Variants in DIP2C observed in about 807,000 individuals in gnomAD.
DIP2C encodes the protein DIP2 acetate--CoA ligase C (putative), also known as disco-interacting protein 2 homolog C.
DIP2C carries 33 observed loss-of-function variants against 192.4 expected under a neutral mutation model. The ratio of observed to expected loss-of-function variants is 0.17; its 90% CI spans 0.13 to 0.23. The LOEUF (loss-of-function observed/expected upper bound fraction) is 0.23. Ranked by LOEUF, DIP2C falls within the 10% of genes least tolerant of loss-of-function variation. DIP2C has a pLI of 1.00. For synonymous variants in DIP2C, 979 were observed against 864.1 expected (o/e 1.13, Z -2.33); for missense variants, 1,537 against 2,110.1 (o/e 0.73, Z 5.32).
At chr10:550,229 C>G (rs746711371) in intron 1 of DIP2C, among the ~76,000 whole-genome samples, 2 of 152,056 alleles carry the variant, frequency 1.3e-5, no homozygotes, top group South Asian at 4.2e-4. Flanking sequence ...AGGCTGGTCT[C>G]GAACTCCTGA....
At chr10:324,012 T>TG (rs1404662483) in intron 31 of DIP2C, among the ~76,000 whole-genome samples, 1 of 152,202 alleles carries the variant, frequency 6.6e-6, no homozygotes, top group Non-Finnish European at 1.5e-5. Context: ...CACTTACGGC[T>TG]GCCTTCGCTG....
intron 24 of DIP2C, among the ~76,000 whole-genome samples, chr10:355,650 CTT>C (rs1959046069): frequency 1.3e-5 from 2 of 152,320 alleles, no homozygotes; most frequent in Admixed American, 6.5e-5. Flanking sequence ...ATGCCTTACT[CTT>C]AAGTACTACG....
intron 1 of DIP2C, among the ~76,000 whole-genome samples, chr10:574,699 G>A (rs1850043854): frequency 6.6e-6 from 1 of 152,172 alleles, no homozygotes; most frequent in Admixed American, 6.5e-5. Context: ...TAACCACAGA[G>A]GTGTTTATCC....
rs1302031074 is a variant in DIP2C, at chr10:275,010, C to T, written c.*2315G>A. On this transcript the variant is annotated 3_prime_UTR_variant, in exon 37 of 37. Coordinates refer to ENST00000280886, the MANE Select transcript of DIP2C (RefSeq NM_014974.3). ...TCTCAGTCCACCAACTCTTTTGAGC[C>T]TAAACTCTAACTAATCAGAGTTGAC... 2 of 152,230 alleles carry T rather than the reference C, an allele frequency of 1.3e-5. No homozygotes were observed. Among genetic ancestry groups the T allele is most frequent in the Non-Finnish European group, 2.9e-5 (2 of 68,052 alleles). 9.4% of individuals were successfully genotyped at this position (152,230 alleles called of 1,614,324 possible).
intron 22 of DIP2C, among the ~76,000 whole-genome samples, chr10:359,683 G>A (rs530792148): frequency 1.3e-5 from 2 of 152,162 alleles, no homozygotes; most frequent in Non-Finnish European, 2.9e-5. Flanking sequence ...CCAAACACCT[G>A]GGAGCCCCTG....
chr10:469,853 C>T (rs1296691177), intron 3 of DIP2C, among the ~76,000 whole-genome samples: 1 of 152,200 alleles, frequency 6.6e-6, no homozygotes, highest in Non-Finnish European at 1.5e-5. Context: ...AACTTCTTGC[C>T]GTTCCCCAAA....
chr10:485,137 C>T (rs530180151), intron 2 of DIP2C, among the ~76,000 whole-genome samples: 2 of 152,370 alleles, frequency 1.3e-5, no homozygotes, highest in East Asian at 3.9e-4. Flanking sequence ...CGCTGGAGAA[C>T]CGTCCTGGCA....
At chr10:657,696 ACTGGACCTGCCC>A (rs1338120775) in intron 1 of DIP2C, among the ~76,000 whole-genome samples, 17 of 30,602 alleles carry the variant, frequency 5.6e-4, no homozygotes, top group East Asian at 1.3e-3. Flanking sequence ...TGGACCTGAC[ACTGGACCTGCCC>A]CTGGACCTGC....
intron 1 of DIP2C, chr10:664,289 A>G (rs1856956306): frequency 6.6e-6 from 1 of 152,236 alleles, no homozygotes; most frequent in African/African-American, 2.4e-5. Flanking sequence ...CAACACGTGA[A>G]CCTAACAATT....
chr10:415,759 G>A lies in DIP2C; in HGVS notation c.859+10C>T. ...ATCTGGAAGAAACGTGTGGTAAAGA[G>A]TTCTCTCACCTTCTAATAATTCTTC... On this transcript the variant is annotated intron_variant, in intron 7 of 36. Coordinates refer to ENST00000280886, the MANE Select transcript of DIP2C (RefSeq NM_014974.3). 1 of 1,613,918 alleles carries A rather than the reference G, an allele frequency of 6.2e-7. No homozygotes were observed. Among genetic ancestry groups the A allele is most frequent in the Non-Finnish European group, 8.5e-7 (1 of 1,179,890 alleles).
At chr10:582,517 AG>A (rs1850733965) in intron 1 of DIP2C, among the ~76,000 whole-genome samples, 1 of 152,216 alleles carries the variant, frequency 6.6e-6, no homozygotes, top group Non-Finnish European at 1.5e-5. Flanking sequence ...AGGGAGGTCC[AG>A]GCTGCAGTGA....
intron 1 of DIP2C, among the ~76,000 whole-genome samples, chr10:544,452 G>A (rs749630554): frequency 2.0e-5 from 3 of 152,202 alleles, no homozygotes; most frequent in Non-Finnish European, 2.9e-5. Flanking sequence ...CATATGCCTG[G>A]GAGTGAAATT....
intron 9 of DIP2C, among the ~76,000 whole-genome samples, chr10:405,471 T>G (rs576561096): frequency 4.5e-4 from 68 of 152,360 alleles, no homozygotes; most frequent in Non-Finnish European, 8.4e-4. Context: ...GGTAAAATAC[T>G]TAAAGGCTCT....
At chr10:330,178 G>GA (rs957951901) in intron 29 of DIP2C, among the ~76,000 whole-genome samples, 2 of 151,900 alleles carry the variant, frequency 1.3e-5, no homozygotes, top group South Asian at 4.2e-4. Flanking sequence ...CAGCCAGGGT[G>GA]AAAAAAAGAC....
chr10:569,810 G>C (rs1202509595), intron 1 of DIP2C, among the ~76,000 whole-genome samples: 1 of 152,142 alleles, frequency 6.6e-6, no homozygotes. Context: ...CAAGGACATG[G>C]CAACCATGAC....
At chr10:490,949 G>C (rs549153126) in intron 1 of DIP2C, among the ~76,000 whole-genome samples, 1 of 152,320 alleles carries the variant, frequency 6.6e-6, no homozygotes, top group South Asian at 2.1e-4. Flanking sequence ...CCTCCCTGAA[G>C]GGAACAATTC....
chr10:673,060 G>C (rs981487250), intron 1 of DIP2C, among the ~76,000 whole-genome samples: 1 of 152,170 alleles, frequency 6.6e-6, no homozygotes, highest in African/African-American at 2.4e-5. Context: ...GAACCAAGGG[G>C]GATGGAATGA....
intron 1 of DIP2C, among the ~76,000 whole-genome samples, chr10:596,163 T>TA (rs1305225423): frequency 2.6e-5 from 4 of 152,178 alleles, no homozygotes; most frequent in East Asian, 1.9e-4. Flanking sequence ...GATAACGTTT[T>TA]AAAAAATAAA....
chr10:472,984 C>G (rs1970752679), intron 2 of DIP2C, among the ~76,000 whole-genome samples: 1 of 152,122 alleles, frequency 6.6e-6, no homozygotes, highest in Non-Finnish European at 1.5e-5. Flanking sequence ...TAAAATAAAT[C>G]TTAGATAATA....
Sources: gnomAD v4.1 joint callset for allele counts (sites outside exome capture counted in the v4.1 genomes callset) on GRCh38, gnomAD v4.1.1 for gene constraint, MANE v1.5 for transcripts, NCBI Gene and HGNC (gene_info 2026-07-23, HGNC 2026-07-21) for gene names.